DSCAM: variants seen among roughly 807,000 people sequenced by gnomAD.
DSCAM encodes cell adhesion molecule DSCAM.
A neutral mutation model predicts 217.7 loss-of-function variants in DSCAM; 47 were observed. That is an observed-to-expected ratio of 0.22 (90% CI 0.17 to 0.28). The LOEUF (loss-of-function observed/expected upper bound fraction) is 0.28. DSCAM is among the 10% of genes least tolerant of loss of function. The probability of loss-of-function intolerance (pLI) is 1.00; values close to 1 mark genes in which losing one functional copy is unlikely to be tolerated. For missense variants in DSCAM, 2,080 were observed against 2,618.3 expected (o/e 0.79, Z 4.49); for synonymous variants, 1,056 against 1,015.3 (o/e 1.04, Z -0.76).
intron 3 of DSCAM, among the ~76,000 whole-genome samples, chr21:40,522,748 C>T (rs1449178031): frequency 6.6e-6 from 1 of 152,182 alleles, no homozygotes; most frequent in Non-Finnish European, 1.5e-5. Context: ...CAAGAGTTTT[C>T]GAGATTCAGA....
intron 3 of DSCAM, among the ~76,000 whole-genome samples, chr21:40,616,957 C>T (rs985374295): frequency 3.7e-5 from 5 of 135,356 alleles, no homozygotes; most frequent in Non-Finnish European, 7.8e-5. Context: ...GCGGAGCTTG[C>T]AGTGAGCCGA....
intron 8 of DSCAM, among the ~76,000 whole-genome samples, chr21:40,325,150 C>CT (rs563949130): frequency 1.4e-4 from 21 of 151,652 alleles, no homozygotes; most frequent in African/African-American, 1.9e-4. Context: ...CTTGAAGAGG[C>CT]TTTTTTTTAA....
intron 1 of DSCAM, among the ~76,000 whole-genome samples, chr21:40,777,997 A>C (rs1442837011): frequency 6.6e-6 from 1 of 152,174 alleles, no homozygotes; most frequent in Non-Finnish European, 1.5e-5. Flanking sequence ...TTTACCTCCA[A>C]AGTACAAAGG....
intron 32 of DSCAM, among the ~76,000 whole-genome samples, chr21:40,032,558 G>A (rs2088547183): frequency 6.6e-6 from 1 of 152,004 alleles, no homozygotes; most frequent in South Asian, 2.1e-4. Flanking sequence ...TTGCCGTTTG[G>A]GAGTGAAGAT....
intron 16 of DSCAM, among the ~76,000 whole-genome samples, chr21:40,160,848 C>T (rs954219496): frequency 3.9e-5 from 6 of 152,170 alleles, no homozygotes; most frequent in African/African-American, 1.4e-4. Flanking sequence ...CCAGACTCAA[C>T]GTGAAACTCT....
rs184320305 is a variant in DSCAM at position 40,165,107 on chromosome 21, C to T, written c.3018+2111G>A. ...ATGAGCTTCCACCTTAGACTTCCCA[C>T]GACTGCATATGTCCACCGTGGCTGA... On this transcript the variant is annotated intron_variant, in intron 16 of 32. Transcript: ENST00000400454. Among the ~76,000 whole-genome samples the T allele has an allele frequency of 1.1e-3, 173 of 152,294 alleles. 2 individuals carry two copies. Among genetic ancestry groups the T allele is most frequent in the Admixed American group, 9.4e-3 (144 of 15,300 alleles).
intron 1 of DSCAM, among the ~76,000 whole-genome samples, chr21:40,773,656 T>A (rs1485097565): frequency 2.0e-5 from 3 of 152,080 alleles, no homozygotes; most frequent in African/African-American, 7.2e-5. Flanking sequence ...CAAGCCAAGG[T>A]AAGTAAGCAA....
At chr21:40,742,605 A>G (rs2091135037) in intron 1 of DSCAM, among the ~76,000 whole-genome samples, 1 of 152,238 alleles carries the variant, frequency 6.6e-6, no homozygotes, top group Admixed American at 6.5e-5. Context: ...AGCAATATAA[A>G]ACTGATACAT....
At position 40,347,894 on chromosome 21, in the gene DSCAM, C is replaced by G; in HGVS notation, c.986G>C (p.Ser329Thr). The change falls in exon 6 of 33, where the codon AGC becomes ACC. Residue 329 changes from serine to threonine, a missense_variant. Ser to Thr is a moderately conservative substitution (Grantham distance 58). Coordinates refer to ENST00000400454, the MANE Select transcript of DSCAM (RefSeq NM_001389.5). ...SPRKVKSSVG[S>T]QVSLSCSVTG... ...CACGCTGCAGGACAAGGAAACTTGG[C>G]TACCCACGCTGCTTTTAACCTTCCT... 6.2e-7 allele frequency: 1 copy of G among 1,613,988 alleles called. No homozygotes were observed. Among genetic ancestry groups the G allele is most frequent in the African/African-American group, 1.3e-5 (1 of 75,038 alleles).
At chr21:40,115,567 T>TA (rs927250734) in intron 20 of DSCAM, among the ~76,000 whole-genome samples, 4 of 150,440 alleles carry the variant, frequency 2.7e-5, no homozygotes, top group Admixed American at 6.6e-5. Flanking sequence ...AGTATAATAA[T>TA]AAAAAAAAAG....
chr21:40,311,223 T>G (rs1375144629), intron 9 of DSCAM, among the ~76,000 whole-genome samples: 1 of 152,260 alleles, frequency 6.6e-6, no homozygotes, highest in Non-Finnish European at 1.5e-5. Flanking sequence ...TAATCATTGT[T>G]AATATAAATC....
intron 18 of DSCAM, among the ~76,000 whole-genome samples, chr21:40,137,373 C>T (rs2090223946): frequency 6.6e-6 from 1 of 151,926 alleles, no homozygotes; most frequent in Non-Finnish European, 1.5e-5. Flanking sequence ...CCACAGTTGG[C>T]TCTATCTGCT....
chr21:40,185,903 T>G (rs2090889598), intron 14 of DSCAM, among the ~76,000 whole-genome samples: 1 of 152,098 alleles, frequency 6.6e-6, no homozygotes, highest in Non-Finnish European at 1.5e-5. Flanking sequence ...TTGGCTACGG[T>G]GAGACTTGCA....
chr21:40,325,198 T>C (rs1409425388), intron 8 of DSCAM, among the ~76,000 whole-genome samples: 1 of 152,108 alleles, frequency 6.6e-6, no homozygotes, highest in Non-Finnish European at 1.5e-5. Context: ...GACAAGGGTA[T>C]AAAAAGGTAG....
chr21:40,589,135 T>G (rs1028200887), intron 3 of DSCAM, among the ~76,000 whole-genome samples: 1 of 57,852 alleles, frequency 1.7e-5, no homozygotes, highest in Non-Finnish European at 3.5e-5. Flanking sequence ...ACAAGTCACT[T>G]TTTTCTCATG....
intron 3 of DSCAM, among the ~76,000 whole-genome samples, chr21:40,434,342 T>G (rs1036531178): frequency 2.6e-5 from 4 of 152,176 alleles, no homozygotes; most frequent in African/African-American, 9.7e-5. Flanking sequence ...GCGTCAAACA[T>G]CAGCAAATGA....
At chr21:40,516,193 A>AT (rs1284730544) in intron 3 of DSCAM, among the ~76,000 whole-genome samples, 4 of 152,068 alleles carry the variant, frequency 2.6e-5, no homozygotes, top group Admixed American at 2.6e-4. Context: ...ATTAAAATTA[A>AT]TTTTTTTAAT....
intron 11 of DSCAM, among the ~76,000 whole-genome samples, chr21:40,246,783 A>G (rs1055714873): frequency 6.6e-6 from 1 of 152,176 alleles, no homozygotes; most frequent in Admixed American, 6.5e-5. Flanking sequence ...AGGACTTTCA[A>G]TGTGGAGACT....
chr21:40,365,634 C>T (rs2074823674), intron 4 of DSCAM, among the ~76,000 whole-genome samples: 1 of 152,124 alleles, frequency 6.6e-6, no homozygotes, highest in Admixed American at 6.5e-5. Context: ...TTTTTACCTT[C>T]TAGACACTAC....
Sources: gnomAD v4.1 joint callset for allele counts (sites outside exome capture counted in the v4.1 genomes callset) on GRCh38, gnomAD v4.1.1 for gene constraint, MANE v1.5 for transcripts, NCBI Gene and HGNC (gene_info 2026-07-23, HGNC 2026-07-21) for gene names.